The following PIEZO2 variants were observed in gnomAD, a reference collection of about 807,000 sequenced individuals.
PIEZO2 encodes piezo type mechanosensitive ion channel component 2, also known as piezo-type mechanosensitive ion channel component 2.
Under a neutral mutation model 337.3 loss-of-function variants are expected in PIEZO2, and 172 were observed. The observed-to-expected ratio is 0.51, with a 90% confidence interval of 0.45 to 0.58. The LOEUF (loss-of-function observed/expected upper bound fraction) is 0.58, where lower values mean the gene tolerates loss of function less well. Ranked by LOEUF, PIEZO2 falls within the 20% of genes least tolerant of loss-of-function variation. The pLI is 0.00. For synonymous variants in PIEZO2, 1,251 were observed against 1,228.5 expected (o/e 1.02, Z -0.38); for missense variants, 3,028 against 3,391.3 (o/e 0.89, Z 2.66).
Position 10,855,476 on chromosome 18 carries a change from G to T in PIEZO2, c.794C>A (p.Pro265Gln), listed in dbSNP as rs267605115. Reference protein sequence around the residue: ...TWWSWCRTFDPLLFSCLCVLL... With the variant: ...TWWSWCRTFDQLLFSCLCVLL... The stretch of plus-strand genomic sequence containing the variant: ...AACACAGAGACAGCTGAACAGCAAT[G>T]GGTCGAACGTCCGGCACCAGGACCA... Residue 265 changes from proline to glutamine, a missense_variant, in exon 7 of 56, where the codon CCA (proline) becomes CAA (glutamine). By Grantham distance (76) the Pro-to-Gln change is moderately conservative. This residue lies in a region of PIEZO2 where 542 missense variants were observed against 605.6 expected (regional missense o/e 0.89). Coordinates refer to ENST00000674853, the MANE Select transcript of PIEZO2 (RefSeq NM_001378183.1). This position sits in a 1 kb window ranked among gnomAD's most constrained non-coding sequence, Gnocchi z 4.9. 1.3e-6 allele frequency: 2 copies of T among 1,537,132 alleles called. No homozygotes were observed. Among genetic ancestry groups the T allele is most frequent in the Non-Finnish European group, 1.7e-6 (2 of 1,146,862 alleles).
chr18:10,735,730 T>C (rs2036969897), intron 34 of PIEZO2, among the ~76,000 whole-genome samples: 1 of 152,132 alleles, frequency 6.6e-6, no homozygotes, highest in African/African-American at 2.4e-5. Context: ...AAGGTGTCTC[T>C]ATGGAGAATT....
At position 10,942,832 on chromosome 18, in the gene PIEZO2, G is replaced by A. The variant is rs938711643; in HGVS notation, c.287-31604C>T. Among the ~76,000 whole-genome samples, 3 of 152,176 alleles carry A rather than the reference G, an allele frequency of 2.0e-5. No homozygotes were observed. Among genetic ancestry groups the A allele is most frequent in the Admixed American group, 1.3e-4 (2 of 15,278 alleles). On this transcript the variant is annotated intron_variant, in intron 3 of 55. Transcript: ENST00000674853. The surrounding 1 kb of genome is among the most constrained non-coding windows in gnomAD (Gnocchi z 4.4). The stretch of plus-strand genomic sequence containing the variant: ...GCCTGAAGGCCTAGGTAAAACAAGT[G>A]ATTTAGTAGGCCAGGCTCAGGGTCC...
intron 5 of PIEZO2, among the ~76,000 whole-genome samples, chr18:10,858,715 A>C (rs2041794391): frequency 6.6e-6 from 1 of 152,168 alleles, no homozygotes; most frequent in Admixed American, 6.5e-5. Flanking sequence ...TTCAGGACTC[A>C]GAGGCCTTTT....
chr18:11,075,922 T>TG (rs2038526479), intron 1 of PIEZO2, among the ~76,000 whole-genome samples: 2 of 151,740 alleles, frequency 1.3e-5, no homozygotes, highest in African/African-American at 4.8e-5. Context: ...CCGAGTTAGC[T>TG]GGGACTACAG....
chr18:11,010,660 T>A (rs1018577875), intron 2 of PIEZO2, among the ~76,000 whole-genome samples: 1 of 152,158 alleles, frequency 6.6e-6, no homozygotes, highest in Admixed American at 6.5e-5. Flanking sequence ...CAACTTGAAA[T>A]GGGGGGCTCT....
rs1487832971 is a variant in PIEZO2, at chr18:10,762,988, G to A, written c.3057C>T (p.Ile1019=). 1.7e-5 allele frequency: 26 copies of A among 1,537,180 alleles called. No individual in the cohort carries two copies. In the East Asian group the frequency reaches 3.7e-4, roughly 22 times the overall value. The change falls in exon 22 of 56, where the codon ATC becomes ATT. Residue 1019 remains isoleucine, a synonymous_variant. Coordinates refer to ENST00000674853, the MANE Select transcript of PIEZO2 (RefSeq NM_001378183.1). The stretch of plus-strand genomic sequence containing the variant: ...GGAGCTGGTACAACATTTTGCAGAC[G>A]ATGATCACACACGTCCAGACTGTGC... ...SVCTVWTCVI[I]VCKMLYQLQT... is the part of the protein sequence containing the mutation.
Position 10,995,285 on chromosome 18 carries a change from CTATT to C in PIEZO2, c.161-15629_161-15626del, listed in dbSNP as rs2035280318. Among the ~76,000 whole-genome samples, 9 of 152,206 alleles carry C rather than the reference CTATT, an allele frequency of 5.9e-5. No homozygotes were observed. The South Asian group carries it at 1.9e-3, about 32-fold the overall frequency. ...CATCTGTATATCTTCTGAGAACTATCTATTCATGACTTTAACCCACTTTTGGATG... is the reference window on the plus strand; with the variant it reads ...CATCTGTATATCTTCTGAGAACTATCCATGACTTTAACCCACTTTTGGATG... On this transcript the variant is annotated intron_variant, in intron 2 of 55. Transcript: ENST00000674853.
At chr18:10,749,005 T>A (rs1290452256) in intron 29 of PIEZO2, among the ~76,000 whole-genome samples, 1 of 152,110 alleles carries the variant, frequency 6.6e-6, no homozygotes, top group Non-Finnish European at 1.5e-5. Flanking sequence ...ATTCTGGGAA[T>A]GGGCTATACC....
chr18:10,848,724 C>T (rs12457834), intron 7 of PIEZO2, among the ~76,000 whole-genome samples: 7,174 of 152,224 alleles, frequency 0.047, 239 homozygotes, highest in African/African-American at 0.088. Context: ...GAAAGCCAGT[C>T]AAGGATTAAA....
At position 10,795,333 on chromosome 18, in the gene PIEZO2, TTTATTTTATTTTATTTTA is replaced by T. The variant is rs1280688518; in HGVS notation, c.1528-349_1528-332del. 0.03 allele frequency among the ~76,000 whole-genome samples: 438 copies of T among 14,792 alleles called. 9 individuals carry two copies. Among genetic ancestry groups the T allele is most frequent in the African/African-American group, 0.065 (426 of 6,578 alleles). The allele number at this position is 14,792 out of a possible 152,430, so 9.7% of individuals were successfully genotyped here. On this transcript the variant is annotated intron_variant, in intron 12 of 55. Coordinates refer to ENST00000674853, the MANE Select transcript of PIEZO2 (RefSeq NM_001378183.1). The surrounding 1 kb of genome is among the most constrained non-coding windows in gnomAD (Gnocchi z 4.4). ...ATTCAAATATTTTATTTTATTTTAT[TTTATTTTATTTTATTTTA>T]TTATTTTATTTTATTTTATTTTATT... is the stretch of plus-strand genomic sequence containing the variant.
intron 1 of PIEZO2, among the ~76,000 whole-genome samples, chr18:11,084,104 G>A (rs530001858): frequency 6.6e-6 from 1 of 151,458 alleles, no homozygotes; most frequent in South Asian, 2.1e-4. Flanking sequence ...TTGAACCTGG[G>A]GGGTGGAGGC....
intron 2 of PIEZO2, among the ~76,000 whole-genome samples, chr18:11,026,562 A>C (rs184335865): frequency 6.6e-6 from 1 of 152,212 alleles, no homozygotes. Context: ...ATGCCGATGC[A>C]CTGTGCTCTT....
chr18:10,685,401 T>G (rs1308389486), intron 49 of PIEZO2, among the ~76,000 whole-genome samples: 3 of 152,210 alleles, frequency 2.0e-5, no homozygotes, highest in Non-Finnish European at 4.4e-5. Flanking sequence ...TGGTTTAGCA[T>G]AGGATGGAAG....
rs2040888998 is a variant in PIEZO2 at position 11,149,200 on chromosome 18, TC to T, written c.-613del. Reference sequence around the variant, plus strand: ...CAGCCCCCAGGCGGCCCGCGGCGGATCCCCGAGAGGCAGCGCAGCTCAGCCC... The same window carrying T: ...CAGCCCCCAGGCGGCCCGCGGCGGATCCCGAGAGGCAGCGCAGCTCAGCCC... On this transcript the variant is annotated 5_prime_UTR_variant, in exon 1 of 56. Coordinates refer to ENST00000674853, the MANE Select transcript of PIEZO2 (RefSeq NM_001378183.1). This position sits in a 1 kb window ranked among gnomAD's most constrained non-coding sequence, Gnocchi z 8.7. Among the ~76,000 whole-genome samples, 1 of 151,562 alleles carries T rather than the reference TC, an allele frequency of 6.6e-6. No individual in the cohort carries two copies. Among genetic ancestry groups the T allele is most frequent in the East Asian group, 2.0e-4 (1 of 5,040 alleles).
rs537719210 is a variant in PIEZO2 at position 10,859,536 on chromosome 18, T to C, written c.493-2325A>G. ...GAACAGCCCAGCCATCCTGGCTCTC[T>C]CTCCTGCATCACAATGTGCTTTCTT... is the stretch of plus-strand genomic sequence containing the variant. On this transcript the variant is annotated intron_variant, in intron 5 of 55. Coordinates refer to ENST00000674853, the MANE Select transcript of PIEZO2 (RefSeq NM_001378183.1). This position sits in a 1 kb window ranked among gnomAD's most constrained non-coding sequence, Gnocchi z 4.9. Among the ~76,000 whole-genome samples the C allele has an allele frequency of 9.8e-5, 15 of 152,314 alleles. No homozygotes were observed. Among genetic ancestry groups the C allele is most frequent in the Admixed American group, 6.5e-4 (10 of 15,306 alleles).
intron 1 of PIEZO2, among the ~76,000 whole-genome samples, chr18:11,114,238 A>G (rs2039820222): frequency 6.6e-6 from 1 of 152,272 alleles, no homozygotes; most frequent in East Asian, 1.9e-4. Flanking sequence ...GACACTCAAG[A>G]CTCTCAGAAA....
intron 52 of PIEZO2, among the ~76,000 whole-genome samples, chr18:10,679,331 C>CTTCT (rs1331568129): frequency 6.6e-6 from 1 of 152,174 alleles, no homozygotes; most frequent in African/African-American, 2.4e-5. Context: ...CCTTGCCTCT[C>CTTCT]TTCTCTCTAC....
rs2041941877 is a variant in PIEZO2 at position 10,863,963 on chromosome 18, C to T, written c.493-6752G>A. 6.6e-6 allele frequency among the ~76,000 whole-genome samples: 1 copy of T among 152,074 alleles called. No individual in the cohort carries two copies. Among genetic ancestry groups the T allele is most frequent in the Non-Finnish European group, 1.5e-5 (1 of 68,026 alleles). Reference sequence around the variant, plus strand: ...ACCACCTATTTTCTCTTGTAGGAACCAGCTAAGTGTAGCTGTTCTAAATGA... The same window carrying T: ...ACCACCTATTTTCTCTTGTAGGAACTAGCTAAGTGTAGCTGTTCTAAATGA... On this transcript the variant is annotated intron_variant, in intron 5 of 55. Transcript: ENST00000674853. The surrounding 1 kb of genome is among the most constrained non-coding windows in gnomAD (Gnocchi z 4.3).
chr18:10,691,079 G>A, intron 48 of PIEZO2, 146 bp downstream of exon 48: 1 of 957,690 alleles, frequency 1.0e-6, no homozygotes, highest in Non-Finnish European at 1.6e-6. Flanking sequence ...AGGCATATTT[G>A]TTCCTTTGCC....
Sources: gnomAD v4.1 joint callset for allele counts (sites outside exome capture counted in the v4.1 genomes callset) on GRCh38, gnomAD v4.1.1 for gene constraint, gnomAD v4.1.1 regional missense constraint, Gnocchi (gnomAD v3.1) non-coding constraint, MANE v1.5 for transcripts, NCBI Gene and HGNC (gene_info 2026-07-23, HGNC 2026-07-21) for gene names.